The following EPB41L4A variants were observed in gnomAD, a reference collection of about 807,000 sequenced individuals.
EPB41L4A encodes the protein erythrocyte membrane protein band 4.1 like 4A.
A neutral mutation model predicts 108.6 loss-of-function variants in EPB41L4A; 100 were observed. The observed-to-expected ratio is 0.92, with a 90% confidence interval of 0.78 to 1.09. The LOEUF (loss-of-function observed/expected upper bound fraction) is 1.09, where lower values mean the gene tolerates loss of function less well. Ranked by LOEUF, EPB41L4A falls within the 50% of genes least tolerant of loss-of-function variation. The probability of loss-of-function intolerance (pLI) is 0.00; values close to 1 mark genes in which losing one functional copy is unlikely to be tolerated. For synonymous variants in EPB41L4A, 319 were observed against 289.0 expected (o/e 1.10, Z -1.05); for missense variants, 1,030 against 842.7 (o/e 1.22, Z -2.75).
chr5:112,212,774 A>G (rs1488391682), intron 12 of EPB41L4A, among the ~76,000 whole-genome samples: 1 of 152,124 alleles, frequency 6.6e-6, no homozygotes, highest in African/African-American at 2.4e-5. Context: ...AATAACACCA[A>G]CTGAAAAAAG....
chr5:112,319,713 AGGAG>A (rs2150618778), intron 1 of EPB41L4A, among the ~76,000 whole-genome samples: 1 of 152,340 alleles, frequency 6.6e-6, no homozygotes, highest in African/African-American at 2.4e-5. Context: ...TCTACAATGA[AGGAG>A]ACTTTTAAAA....
intron 6 of EPB41L4A, chr5:112,263,491 T>A (rs1329461331): frequency 6.6e-6 from 1 of 152,168 alleles, no homozygotes; most frequent in African/African-American, 2.4e-5. Context: ...CTAAAACACA[T>A]GAGAGCCTTT....
chr5:112,266,360 G>C (rs371954649), intron 4 of EPB41L4A, 30 bp from the exon 5 acceptor site: 2 of 1,451,984 alleles, frequency 1.4e-6, no homozygotes, highest in Non-Finnish European at 1.9e-6. Context: ...AGAGATTAAC[G>C]ATCTCTTACA....
intron 1 of EPB41L4A, among the ~76,000 whole-genome samples, chr5:112,416,411 A>T (rs1762722090): frequency 6.6e-6 from 1 of 152,182 alleles, no homozygotes; most frequent in African/African-American, 2.4e-5. Flanking sequence ...AAATGTGTGC[A>T]TAATTTTAAT....
chr5:112,241,984 G>T lies in EPB41L4A; in HGVS notation c.796-1174C>A, dbSNP rs75840268. Among the ~76,000 whole-genome samples, 1,111 of 152,290 alleles carry T rather than the reference G, an allele frequency of 7.3e-3. 10 individuals carry two copies. Among genetic ancestry groups the T allele is most frequent in the South Asian group, 0.034 (162 of 4,816 alleles). On this transcript the variant is annotated intron_variant, in intron 9 of 22. Transcript: ENST00000261486. ...AAAAATACTTCATTGGTGAAAAATG[G>T]TAAAAGTCATCTGAGCCTTCAGGAA... is the stretch of plus-strand genomic sequence containing the variant.
Position 112,294,248 on chromosome 5 carries a change from G to A in EPB41L4A, c.204+13138C>T, listed in dbSNP as rs538764576. Among the ~76,000 whole-genome samples, 3 of 152,246 alleles carry A rather than the reference G, an allele frequency of 2.0e-5. No individual in the cohort carries two copies. In the South Asian group the frequency reaches 6.2e-4, roughly 32 times the overall value. ...AATCTGGTTAAAATGAACAGCAGGA[G>A]AGGCCTTTCATAAGAGAAGGAGGGA... is the stretch of plus-strand genomic sequence containing the variant. On this transcript the variant is annotated intron_variant, in intron 2 of 22. Coordinates refer to ENST00000261486, the MANE Select transcript of EPB41L4A (RefSeq NM_022140.5).
At chr5:112,394,676 T>A (rs1461086515) in intron 1 of EPB41L4A, among the ~76,000 whole-genome samples, 2 of 152,188 alleles carry the variant, frequency 1.3e-5, no homozygotes, top group African/African-American at 4.8e-5. Context: ...CAAGGTAATT[T>A]GTAGATTCAA....
At chr5:112,400,290 A>G (rs1761656403) in intron 1 of EPB41L4A, among the ~76,000 whole-genome samples, 1 of 151,956 alleles carries the variant, frequency 6.6e-6, no homozygotes, top group African/African-American at 2.4e-5. Context: ...CCATGATTCA[A>G]TCACCTCCTA....
At chr5:112,347,151 G>T (rs1476618782) in intron 1 of EPB41L4A, among the ~76,000 whole-genome samples, 1 of 152,134 alleles carries the variant, frequency 6.6e-6, no homozygotes, top group Non-Finnish European at 1.5e-5. Flanking sequence ...CCACAAAAGT[G>T]GGCTACAATA....
chr5:112,374,895 G>T (rs899661938), intron 1 of EPB41L4A, among the ~76,000 whole-genome samples: 1 of 152,136 alleles, frequency 6.6e-6, no homozygotes. Flanking sequence ...AGAAAACTCT[G>T]AGTTTGACAG....
intron 7 of EPB41L4A, among the ~76,000 whole-genome samples, chr5:112,260,374 A>G (rs943303030): frequency 1.3e-5 from 2 of 152,232 alleles, no homozygotes; most frequent in Admixed American, 6.5e-5. Flanking sequence ...TCTAATGAAG[A>G]GGCCAAAGTA....
chr5:112,268,425 G>T (rs1381063862), intron 4 of EPB41L4A, among the ~76,000 whole-genome samples: 1 of 151,992 alleles, frequency 6.6e-6, no homozygotes, highest in African/African-American at 2.4e-5. Flanking sequence ...AGACAACTGT[G>T]AGAATTATCA....
Position 112,302,462 on chromosome 5 carries a change from G to A in EPB41L4A, c.204+4924C>T, listed in dbSNP as rs917089297. Among the ~76,000 whole-genome samples, 7 of 152,164 alleles carry A rather than the reference G, an allele frequency of 4.6e-5. No individual in the cohort carries two copies. The South Asian group carries it at 8.3e-4, about 18-fold the overall frequency. On this transcript the variant is annotated intron_variant, in intron 2 of 22. Transcript: ENST00000261486. ...CCTTTGAGATACATGAGAGGCATCC[G>A]AGTAGTGAACAACAGCTAAAACATT...
intron 9 of EPB41L4A, among the ~76,000 whole-genome samples, chr5:112,245,308 A>C (rs2150394651): frequency 6.6e-6 from 1 of 152,354 alleles, no homozygotes; most frequent in South Asian, 2.1e-4. Context: ...AATGCCTCTG[A>C]AATGAGGTTT....
At chr5:112,228,737 G>T in intron 12 of EPB41L4A, 1 of 985,376 alleles carries the variant, frequency 1.0e-6, no homozygotes, top group Non-Finnish European at 1.2e-6. Flanking sequence ...TCAGAGAGAG[G>T]GTTGTAACAG....
intron 1 of EPB41L4A, among the ~76,000 whole-genome samples, chr5:112,371,576 A>G (rs1759499834): frequency 6.6e-6 from 1 of 152,158 alleles, no homozygotes; most frequent in Non-Finnish European, 1.5e-5. Flanking sequence ...GGAGGAACCC[A>G]TTCATGCAAC....
At chr5:112,247,097 G>A (rs1285536424) in intron 9 of EPB41L4A, among the ~76,000 whole-genome samples, 3 of 152,116 alleles carry the variant, frequency 2.0e-5, no homozygotes, top group Non-Finnish European at 4.4e-5. Flanking sequence ...ATCGCCTAAC[G>A]ACTTGTTTCT....
chr5:112,340,419 C>T (rs1448984780), intron 1 of EPB41L4A, among the ~76,000 whole-genome samples: 2 of 152,210 alleles, frequency 1.3e-5, no homozygotes, highest in Non-Finnish European at 2.9e-5. Flanking sequence ...GTCCAGAGAA[C>T]ACATTTTGGG....
downstream of EPB41L4A, among the ~76,000 whole-genome samples, chr5:112,159,995 C>T (rs1737516469): frequency 6.7e-6 from 1 of 150,334 alleles, no homozygotes; most frequent in South Asian, 2.1e-4. Context: ...TCCACCCCCA[C>T]CCCGCCCGGG....
Sources: gnomAD v4.1 joint callset for allele counts (sites outside exome capture counted in the v4.1 genomes callset) on GRCh38, gnomAD v4.1.1 for gene constraint, MANE v1.5 for transcripts, NCBI Gene and HGNC (gene_info 2026-07-23, HGNC 2026-07-21) for gene names.